CTNNA1: variants seen among roughly 807,000 people sequenced by gnomAD.
CTNNA1 encodes catenin alpha-1.
In CTNNA1, 37 loss-of-function variants were observed where a neutral mutation model predicts 98.4. The observed-to-expected ratio is 0.38, with a 90% CI of 0.29 to 0.49. The LOEUF is 0.49. CTNNA1 is among the 20% of genes least tolerant of loss of function. The pLI is 0.95. For missense variants in CTNNA1, 761 were observed against 1,147.2 expected (o/e 0.66, Z 4.86); for synonymous variants, 404 against 413.2 (o/e 0.98, Z 0.27).
intron 7 of CTNNA1, among the ~76,000 whole-genome samples, chr5:138,864,103 C>T (rs1340069043): frequency 6.6e-6 from 1 of 152,174 alleles, no homozygotes; most frequent in Non-Finnish European, 1.5e-5. Flanking sequence ...GCTGGGACTA[C>T]AGGTGCACCA....
intron 2 of CTNNA1, chr5:138,782,507 A>G (rs1053346364): frequency 2.5e-5 from 7 of 279,384 alleles, no homozygotes; most frequent in Admixed American, 2.0e-4. Context: ...GTGTTTTACA[A>G]TAGTATGTCT....
At chr5:138,881,405 G>T (rs1752871792) in intron 7 of CTNNA1, among the ~76,000 whole-genome samples, 1 of 152,202 alleles carries the variant, frequency 6.6e-6, no homozygotes, top group Non-Finnish European at 1.5e-5. Context: ...AGGTCAAATT[G>T]CTTCTCCTGT....
Position 138,785,675 on chromosome 5 carries a change from C to A in CTNNA1, c.301+2303C>A, listed in dbSNP as rs190981323. On this transcript the variant is annotated intron_variant, in intron 3 of 17. Coordinates refer to ENST00000302763, the MANE Select transcript of CTNNA1 (RefSeq NM_001903.5). ...TCCTGGGTTCAAGCGATTCTTCTGC[C>A]TCAGCTTCCCAAGTAGCTGGGATTA... is the stretch of plus-strand genomic sequence containing the variant. Among the ~76,000 whole-genome samples the A allele has an allele frequency of 3.0e-3, 459 of 152,300 alleles. 3 individuals are homozygous for A. Among genetic ancestry groups the A allele is most frequent in the African/African-American group, 0.01 (433 of 41,556 alleles).
At chr5:138,903,124 T>C (rs1333601246) in intron 9 of CTNNA1, among the ~76,000 whole-genome samples, 1 of 152,148 alleles carries the variant, frequency 6.6e-6, no homozygotes, top group Admixed American at 6.5e-5. Context: ...GATCTGACTT[T>C]CCAGTTCCTT....
Position 138,824,084 on chromosome 5 carries a change from A to G in CTNNA1, c.589-446A>G, listed in dbSNP as rs1000954934. ...CTATCGTTGGTTGGTATAGGTACAT[A>G]TATCTATATAGAGTTGTAATCAAGA... On this transcript the variant is annotated intron_variant, in intron 5 of 17. Coordinates refer to ENST00000302763, the MANE Select transcript of CTNNA1 (RefSeq NM_001903.5). Among the ~76,000 whole-genome samples, 4 of 151,910 alleles carry G rather than the reference A, an allele frequency of 2.6e-5. No homozygotes were observed. The East Asian group carries it at 7.7e-4, about 29-fold the overall frequency.
chr5:138,879,921 G>A (rs1047402501), intron 7 of CTNNA1, among the ~76,000 whole-genome samples: 1 of 152,128 alleles, frequency 6.6e-6, no homozygotes, highest in Non-Finnish European at 1.5e-5. Flanking sequence ...TGTGCACTCC[G>A]GCAGTTGTTG....
intron 3 of CTNNA1, among the ~76,000 whole-genome samples, 163 bp from the exon 4 acceptor site, chr5:138,809,875 A>G (rs1254625727): frequency 3.3e-5 from 5 of 152,154 alleles, no homozygotes; most frequent in African/African-American, 1.2e-4. Flanking sequence ...AGTGATAGCT[A>G]TAAAACAAAC....
At chr5:138,791,712 G>C (rs1346571630) in intron 3 of CTNNA1, among the ~76,000 whole-genome samples, 1 of 143,138 alleles carries the variant, frequency 7.0e-6, no homozygotes, top group African/African-American at 2.6e-5. Flanking sequence ...ACATCTGTGA[G>C]TTTGCAAGCA....
chr5:138,785,574 T>C (rs1268801165), intron 3 of CTNNA1, among the ~76,000 whole-genome samples: 1 of 152,108 alleles, frequency 6.6e-6, no homozygotes, highest in Non-Finnish European at 1.5e-5. Flanking sequence ...TTTCTTTCTT[T>C]TTTTGAGTTG....
chr5:138,776,688 T>G (rs1311566893), intron 1 of CTNNA1, among the ~76,000 whole-genome samples: 1 of 133,056 alleles, frequency 7.5e-6, no homozygotes, highest in Non-Finnish European at 1.6e-5. Flanking sequence ...CCCCCCCACC[T>G]CCCTCCCGGA....
rs1221392260 is a variant in CTNNA1 at position 138,779,716 on chromosome 5, TG to T, written c.-2-2206del. ...GGCACTGATAACACTGGTTTTTTTT[TG>T]TTTTTGTTTTTTTTTTGAGACAAGA... On this transcript the variant is annotated intron_variant, in intron 1 of 17. Transcript: ENST00000302763. Among the ~76,000 whole-genome samples the T allele has an allele frequency of 7.1e-3, 488 of 69,144 alleles. 4 individuals are homozygous for T. The East Asian group carries it at 0.14, about 20-fold the overall frequency. The allele number at this position is 69,144 out of a possible 152,430, so 45.4% of individuals were successfully genotyped here. A position where few individuals can be genotyped will look rare whatever the true frequency, so the allele number is the denominator to read the frequency against.
intron 7 of CTNNA1, among the ~76,000 whole-genome samples, chr5:138,832,797 G>C (rs1581198735): frequency 6.6e-6 from 1 of 152,162 alleles, no homozygotes; most frequent in African/African-American, 2.4e-5. Context: ...AAAACAGTCT[G>C]CTGTCTGGTT....
intron 9 of CTNNA1, among the ~76,000 whole-genome samples, chr5:138,894,279 CTCTT>C (rs1234237999): frequency 1.0e-4 from 15 of 145,312 alleles, no homozygotes; most frequent in Admixed American, 2.1e-4. Context: ...ACTTTTCTTT[CTCTT>C]TTTTTTTTTT....
At chr5:138,782,455 A>G (rs902409733) in intron 2 of CTNNA1, 6 of 341,230 alleles carry the variant, frequency 1.8e-5, no homozygotes, top group Admixed American at 3.8e-5. Flanking sequence ...TCACAATGTT[A>G]GGGTAGTTCA....
chr5:138,871,644 G>A (rs1047937117), intron 7 of CTNNA1: 1 of 152,204 alleles, frequency 6.6e-6, no homozygotes, highest in African/African-American at 2.4e-5. Context: ...CTGAGAGTCA[G>A]ATTTCAAAAT....
intron 9 of CTNNA1, among the ~76,000 whole-genome samples, chr5:138,888,099 G>T (rs1754493497): frequency 6.6e-6 from 1 of 152,192 alleles, no homozygotes; most frequent in Non-Finnish European, 1.5e-5. Flanking sequence ...GATGATGTAT[G>T]TCAAATGCTT....
At position 138,874,060 on chromosome 5, in the gene CTNNA1, G is replaced by T; in HGVS notation, c.1063-12152G>T. On this transcript the variant is annotated intron_variant, in intron 7 of 17. Transcript: ENST00000302763. This position sits in a 1 kb window ranked among gnomAD's most constrained non-coding sequence, Gnocchi z 4.1. ...GGCGTACTGGGATAGTCCGCAGGGA[G>T]TTGGAACGTAAATGCAAGGTCTGCA... 1 of 1,614,006 alleles carries T rather than the reference G, an allele frequency of 6.2e-7. No homozygotes were observed. The highest frequency in any genetic ancestry group is 8.5e-7 in the Non-Finnish European group (1 of 1,179,882).
chr5:138,777,292 G>C (rs1298472242), intron 1 of CTNNA1, among the ~76,000 whole-genome samples: 5 of 150,050 alleles, frequency 3.3e-5, no homozygotes, highest in African/African-American at 7.4e-5. Flanking sequence ...TCACTTCCTA[G>C]ATGGGATGGC....
intron 5 of CTNNA1, among the ~76,000 whole-genome samples, chr5:138,816,670 G>A (rs1379270104): frequency 5.3e-5 from 8 of 151,254 alleles, no homozygotes; most frequent in African/African-American, 1.9e-4. Flanking sequence ...TCATTTGTAT[G>A]TCTTCTTTTG....
Sources: gnomAD v4.1 joint callset for allele counts (sites outside exome capture counted in the v4.1 genomes callset) on GRCh38, gnomAD v4.1.1 for gene constraint, Gnocchi (gnomAD v3.1) non-coding constraint, MANE v1.5 for transcripts, NCBI Gene and HGNC (gene_info 2026-07-23, HGNC 2026-07-21) for gene names.